Variants in CEACAM16 observed in about 807,000 individuals in gnomAD.
The protein encoded by CEACAM16 is cell adhesion molecule CEACAM16.
CEACAM16 carries 30 observed loss-of-function variants against 39.4 expected under a neutral mutation model. The observed-to-expected ratio is 0.76, with a 90% CI of 0.57 to 1.03. The LOEUF (loss-of-function observed/expected upper bound fraction) is 1.03, where lower values mean the gene tolerates loss of function less well. CEACAM16 is among the 50% of genes least tolerant of loss of function. The pLI is 0.00. For synonymous variants in CEACAM16, 262 were observed against 264.9 expected (o/e 0.99, Z 0.11); for missense variants, 521 against 585.3 (o/e 0.89, Z 1.13).
In CEACAM16 at chr19:44,705,725, T is replaced by C. The variant is rs1196238697; in HGVS notation, c.797T>C (p.Phe266Ser). The C allele has an allele frequency of 6.2e-7, 1 of 1,613,948 alleles. No individual in the cohort carries two copies. The change falls in exon 5 of 7, where the codon TTC (phenylalanine) becomes TCC (serine). Residue 266 changes from phenylalanine (F) to serine (S), a missense_variant. Physicochemically the swap from Phe to Ser is radical, Grantham distance 155. Transcript: ENST00000587331. ...SCPEPEYVWT[F>S]NGQALKNGQD... Reference sequence around the variant, plus strand: ...CCAGAGCCCGAGTATGTGTGGACCTTCAACGGGCAGGCCCTAAAGAACGGC... The same window carrying C: ...CCAGAGCCCGAGTATGTGTGGACCTCCAACGGGCAGGCCCTAAAGAACGGC...
At chr19:44,703,025 C>T (rs1390382614) in intron 2 of CEACAM16, among the ~76,000 whole-genome samples, 1 of 152,200 alleles carries the variant, frequency 6.6e-6, no homozygotes, top group Non-Finnish European at 1.5e-5. Flanking sequence ...TTACTGTATA[C>T]CAGGCATTGT....
chr19:44,702,164 A>T (rs1974357503), intron 2 of CEACAM16, among the ~76,000 whole-genome samples: 1 of 152,052 alleles, frequency 6.6e-6, no homozygotes. Flanking sequence ...GTGGTGGCAC[A>T]TGCCTGTAGT....
chr19:44,708,526 C>T (rs1974487842), intron 6 of CEACAM16, among the ~76,000 whole-genome samples: 1 of 152,180 alleles, frequency 6.6e-6, no homozygotes, highest in Admixed American at 6.5e-5. Flanking sequence ...GGTGGAGCAT[C>T]CTTTTTCCTG....
In CEACAM16 at chr19:44,707,983, G is replaced by T; in HGVS notation, c.1063G>T (p.Ala355Ser). The change falls in exon 6 of 7, where the codon GCC becomes TCC. Residue 355 changes from alanine (A) to serine (S), a missense_variant. Coordinates refer to ENST00000587331, the MANE Select transcript of CEACAM16 (RefSeq NM_001039213.4). Reference sequence around the variant, plus strand: ...GGTCTACGCCTGGTACCGCGGGCCTGCCTCCGAGCCCAACCGGCTGCTCAG... The same window carrying T: ...GGTCTACGCCTGGTACCGCGGGCCTTCCTCCGAGCCCAACCGGCTGCTCAG... ...LLVYAWYRGP[A>S]SEPNRLLSQL... 1.2e-6 allele frequency: 2 copies of T among 1,605,890 alleles called. No homozygotes were observed. Among genetic ancestry groups the T allele is most frequent in the Non-Finnish European group, 1.7e-6 (2 of 1,176,636 alleles).
intron 2 of CEACAM16, 126 bp from the exon 3 acceptor site, chr19:44,703,223 G>A: frequency 1.3e-6 from 1 of 777,874 alleles, no homozygotes. Flanking sequence ...TCCTGGTTTT[G>A]CCTGTCCTCA....
intron 5 of CEACAM16, among the ~76,000 whole-genome samples, chr19:44,706,362 G>A (rs1974450400): frequency 6.6e-6 from 1 of 151,682 alleles, no homozygotes; most frequent in South Asian, 2.1e-4. Context: ...AGCTGGGGAG[G>A]CATTGTCATC....
chr19:44,700,698 A>C (rs1277267685), intron 1 of CEACAM16, among the ~76,000 whole-genome samples: 3 of 152,200 alleles, frequency 2.0e-5, no homozygotes, highest in Non-Finnish European at 4.4e-5. Context: ...AAAGCCTCCG[A>C]ATACGCCCAT....
Position 44,705,785 on chromosome 19 carries a change from C to T in CEACAM16, c.857C>T (p.Ala286Val). 6.2e-7 allele frequency: 1 copy of T among 1,613,932 alleles called. No individual in the cohort carries two copies. Among genetic ancestry groups the T allele is most frequent in the Non-Finnish European group, 8.5e-7 (1 of 1,179,820 alleles). Residue 286 changes from alanine to valine, a missense_variant, in exon 5 of 7, where the codon GCC (alanine) becomes GTC (valine). Ala to Val is a moderately conservative substitution (Grantham distance 64). Coordinates refer to ENST00000587331, the MANE Select transcript of CEACAM16 (RefSeq NM_001039213.4). ...DHLNISSMTA[A>V]QEGTYTCIAK... ...CTCAACATCAGCAGCATGACAGCCG[C>T]CCAGGAGGGGACGTACACATGTATT...
intron 6 of CEACAM16, 113 bp downstream of exon 6, chr19:44,708,300 C>A: frequency 9.1e-7 from 1 of 1,102,254 alleles, no homozygotes; most frequent in Non-Finnish European, 1.3e-6. Context: ...GGATACCCAT[C>A]CCCCATCAGG....
intron 3 of CEACAM16, 91 bp downstream of exon 3, chr19:44,703,784 AAC>A: frequency 8.7e-7 from 1 of 1,155,126 alleles, no homozygotes; most frequent in Non-Finnish European, 1.2e-6. Flanking sequence ...AAAAAAATCC[AAC>A]AAATCATCAG....
intron 1 of CEACAM16, among the ~76,000 whole-genome samples, chr19:44,700,441 TTTA>T (rs974142265): frequency 1.3e-5 from 2 of 151,634 alleles, no homozygotes; most frequent in South Asian, 2.1e-4. Flanking sequence ...CCTGGCTATT[TTTA>T]TTATTATTAT....
In CEACAM16 at chr19:44,705,756, C is replaced by A. The variant is rs554754239; in HGVS notation, c.828C>A (p.Asp276Glu). 20 of 1,614,022 alleles carry A rather than the reference C, an allele frequency of 1.2e-5. No homozygotes were observed. In the East Asian group the frequency reaches 4.5e-4, roughly 36 times the overall value. The change falls in exon 5 of 7, where the codon GAC becomes GAA. Residue 276 changes from aspartate (D) to glutamate (E), a missense_variant. Physicochemically the swap from Asp to Glu is conservative, Grantham distance 45. Coordinates refer to ENST00000587331, the MANE Select transcript of CEACAM16 (RefSeq NM_001039213.4). ...FNGQALKNGQ[D>E]HLNISSMTAA... is the part of the protein sequence containing the mutation. ...GGCAGGCCCTAAAGAACGGCCAAGA[C>A]CACCTCAACATCAGCAGCATGACAG...
Position 44,704,086 on chromosome 19 carries a change from C to A in CEACAM16, c.451C>A (p.Leu151Ile), listed in dbSNP as rs1974398917. The change falls in exon 4 of 7, where the codon CTT becomes ATT. Residue 151 changes from leucine to isoleucine, a missense_variant. Leu to Ile is a conservative substitution (Grantham distance 5). Coordinates refer to ENST00000587331, the MANE Select transcript of CEACAM16 (RefSeq NM_001039213.4). ...GGTGGAACGTCGAGACACCCTGCGC[C>A]TTATGTGCAGCAGCCCCAGCCCCAC... Reference protein sequence around the residue: ...ALVERRDTLRLMCSSPSPTAE... With the variant: ...ALVERRDTLRIMCSSPSPTAE... 6.2e-7 allele frequency: 1 copy of A among 1,609,178 alleles called. No individual in the cohort carries two copies. Among genetic ancestry groups the A allele is most frequent in the South Asian group, 1.1e-5 (1 of 90,208 alleles).
intron 6 of CEACAM16, among the ~76,000 whole-genome samples, chr19:44,709,108 C>T (rs921920536): frequency 2.6e-5 from 4 of 151,962 alleles, no homozygotes; most frequent in African/African-American, 9.7e-5. Flanking sequence ...ATGTTTCCTC[C>T]GTCAGACTGG....
chr19:44,703,314 T>C, intron 2 of CEACAM16, 35 bp from the exon 3 acceptor site: 1 of 1,574,696 alleles, frequency 6.4e-7, no homozygotes, highest in Non-Finnish European at 8.7e-7. Context: ...TGATCAAACC[T>C]GCCTCATCCA....
In CEACAM16 at chr19:44,701,148, C is replaced by G. The variant is rs1268610238; in HGVS notation, c.-96-213C>G. Among the ~76,000 whole-genome samples, 2 of 152,200 alleles carry G rather than the reference C, an allele frequency of 1.3e-5. No individual in the cohort carries two copies. The highest frequency in any genetic ancestry group is 4.8e-5 in the African/African-American group (2 of 41,452). Reference sequence around the variant, plus strand: ...CTTCCCCTACTTTTCCTCTCTTCTCCTCGGTGACCTGGTTCCTCTCCCAGT... The same window carrying G: ...CTTCCCCTACTTTTCCTCTCTTCTCGTCGGTGACCTGGTTCCTCTCCCAGT... On this transcript the variant is annotated intron_variant, in intron 1 of 6. Transcript: ENST00000587331. The surrounding 1 kb of genome is among the most constrained non-coding windows in gnomAD (Gnocchi z 4.0).
chr19:44,703,530 C>T lies in CEACAM16; in HGVS notation c.219C>T (p.Gly73=), dbSNP rs534225927. Residue 73 remains glycine (G), a synonymous_variant, in exon 3 of 7, where the codon GGC becomes GGT. Transcript: ENST00000587331. ...TGGCCAGCTACATCGTGAGCACAGGCGATGAGACTCCTGGCCCGGCCCACA... is the reference window on the plus strand; with the variant it reads ...TGGCCAGCTACATCGTGAGCACAGGTGATGAGACTCCTGGCCCGGCCCACA... The part of the protein sequence containing the change: ...YLVASYIVST[G]DETPGPAHTG... 94 of 1,613,564 alleles carry T rather than the reference C, an allele frequency of 5.8e-5. No individual in the cohort carries two copies. The Admixed American group carries it at 7.8e-4, about 13-fold the overall frequency.
intron 5 of CEACAM16, among the ~76,000 whole-genome samples, chr19:44,706,312 A>ACACACAC (rs1568528641): frequency 4.1e-5 from 6 of 147,166 alleles, no homozygotes; most frequent in Admixed American, 1.4e-4. Flanking sequence ...ACACACACAC[A>ACACACAC]ACTGAAGAAT....
Position 44,704,169 on chromosome 19 carries a change from C to T in CEACAM16, c.534C>T (p.Gly178=). 6.3e-7 allele frequency: 1 copy of T among 1,582,454 alleles called. No homozygotes were observed. The change falls in exon 4 of 7, where the codon GGC becomes GGT. Residue 178 remains glycine (G), a synonymous_variant. Transcript: ENST00000587331. The part of the protein sequence containing the change: ...GGALPVALRL[G]LSPDGRVLAR... ...CCCTGCCCGTCGCTCTCCGCCTGGGCCTGTCCCCTGACGGCCGGGTGCTGG... is the reference window on the plus strand; with the variant it reads ...CCCTGCCCGTCGCTCTCCGCCTGGGTCTGTCCCCTGACGGCCGGGTGCTGG...
Sources: allele counts gnomAD v4.1 joint callset (sites outside exome capture counted in the v4.1 genomes callset), GRCh38; gene constraint gnomAD v4.1.1; non-coding constraint Gnocchi (gnomAD v3.1); transcripts MANE v1.5; gene names NCBI Gene and HGNC (gene_info 2026-07-23, HGNC 2026-07-21).